The following AZIN2 variants were observed in gnomAD, a reference collection of about 807,000 sequenced individuals.
The protein encoded by AZIN2 is ODC antizyme inhibitor-2.
Under a neutral mutation model 47.8 loss-of-function variants are expected in AZIN2, and 28 were observed. The observed-to-expected ratio is 0.59, with a 90% CI of 0.43 to 0.80. AZIN2 has a LOEUF of 0.80. Ranked by LOEUF, AZIN2 falls within the 30% of genes least tolerant of loss-of-function variation. AZIN2 has a pLI of 0.00. For synonymous variants in AZIN2, 221 were observed against 239.4 expected (o/e 0.92, Z 0.71); for missense variants, 535 against 582.5 (o/e 0.92, Z 0.84).
the AZIN2 span, chr1:33,147,627 TGGCTGTGGG>T: frequency 6.2e-7 from 1 of 1,613,984 alleles, no homozygotes; most frequent in Non-Finnish European, 8.5e-7. The surrounding 1 kb of genome is among the most constrained non-coding windows in gnomAD (Gnocchi z 8.1). Context: ...AGTCCTGCAG[TGGCTGTGGG>T]TGCAAGTTGC....
At position 33,092,240 on chromosome 1, in the gene AZIN2, C is replaced by T; in HGVS notation, c.452+18C>T. ...AGTGCCAAGTAAGCTGAGAACCACT[C>T]ATGGGGAGGCTGGGCTGTGGGGAGC... On this transcript the variant is annotated intron_variant, in intron 6 of 11. Coordinates refer to ENST00000294517, the MANE Select transcript of AZIN2 (RefSeq NM_052998.4). 6.2e-7 allele frequency: 1 copy of T among 1,607,120 alleles called. No homozygotes were observed. The highest frequency in any genetic ancestry group is 8.5e-7 in the Non-Finnish European group (1 of 1,176,118).
rs763179808 is a variant in AZIN2, at chr1:33,096,693, TCTC to T, written c.754-8_754-6del. ...TTCAAACACATAATTGTCTCCCCAT[TCTC>T]CTCCTACCAGATTGCTTCCGTGATC... On this transcript the variant is annotated splice_polypyrimidine_tract_variant and intron_variant, in intron 8 of 11. Coordinates refer to ENST00000294517, the MANE Select transcript of AZIN2 (RefSeq NM_052998.4). 6.2e-7 allele frequency: 1 copy of T among 1,613,808 alleles called. No individual in the cohort carries two copies. Among genetic ancestry groups the T allele is most frequent in the Non-Finnish European group, 8.5e-7 (1 of 1,179,758 alleles).
downstream of AZIN2, among the ~76,000 whole-genome samples, chr1:33,124,504 G>A (rs543801568): frequency 6.6e-6 from 1 of 152,292 alleles, no homozygotes; most frequent in South Asian, 2.1e-4. The surrounding 1 kb of genome is among the most constrained non-coding windows in gnomAD (Gnocchi z 4.6). Context: ...CAGTCTGAAA[G>A]GCAGACCCAG....
intron 9 of AZIN2, among the ~76,000 whole-genome samples, chr1:33,097,470 G>T (rs1043233648): frequency 6.6e-6 from 1 of 152,154 alleles, no homozygotes; most frequent in Non-Finnish European, 1.5e-5. Context: ...TTCCAGATAG[G>T]TCAGGGATAG....
At chr1:33,099,233 C>A (rs1350873740) in intron 10 of AZIN2, among the ~76,000 whole-genome samples, 1 of 152,128 alleles carries the variant, frequency 6.6e-6, no homozygotes, top group Non-Finnish European at 1.5e-5. Flanking sequence ...CACTTTGTGG[C>A]TCTTCCTGCC....
downstream of AZIN2, among the ~76,000 whole-genome samples, chr1:33,124,878 C>T (rs1401795126): frequency 6.6e-6 from 1 of 152,202 alleles, no homozygotes; most frequent in Non-Finnish European, 1.5e-5. This position sits in a 1 kb window ranked among gnomAD's most constrained non-coding sequence, Gnocchi z 4.6. Flanking sequence ...GCATAGTATT[C>T]CATGGTGTAT....
At chr1:33,140,969 T>C in the AZIN2 span, among the ~76,000 whole-genome samples, 45 of 152,192 alleles carry the variant, frequency 3.0e-4, no homozygotes, top group Non-Finnish European at 5.6e-4. This position sits in a 1 kb window ranked among gnomAD's most constrained non-coding sequence, Gnocchi z 4.0. Flanking sequence ...AAAGAGCCGA[T>C]GGCTGGGAGT....
At chr1:33,165,539 G>C in the AZIN2 span, 5 of 1,610,710 alleles carry the variant, frequency 3.1e-6, no homozygotes, top group Non-Finnish European at 3.4e-6. The surrounding 1 kb of genome is among the most constrained non-coding windows in gnomAD (Gnocchi z 4.0). Flanking sequence ...CTGTCTTGAA[G>C]GGCCTGAAGT....
At chr1:33,115,619 G>A (rs550585033) in intron 10 of AZIN2, among the ~76,000 whole-genome samples, 2 of 298 alleles carry the variant, frequency 6.7e-3, no homozygotes, top group African/African-American at 0.011. Context: ...CAGGAGAATC[G>A]CTGAACCCAG....
At chr1:33,138,633 A>C in the AZIN2 span, among the ~76,000 whole-genome samples, 2 of 146,478 alleles carry the variant, frequency 1.4e-5, no homozygotes, top group African/African-American at 4.9e-5. Context: ...CAACAAAAAA[A>C]AAAAAAAAAA....
the AZIN2 span, chr1:33,147,702 C>T: frequency 1.6e-5 from 25 of 1,612,858 alleles, no homozygotes; most frequent in Middle Eastern, 1.7e-4. The surrounding 1 kb of genome is among the most constrained non-coding windows in gnomAD (Gnocchi z 8.1). Flanking sequence ...GGGCTGTGCC[C>T]GGGTCCAGGG....
At position 33,081,362 on chromosome 1, in the gene AZIN2, T is replaced by G. The variant is rs1042438238; in HGVS notation, c.-405-26T>G. The G allele has an allele frequency of 3.9e-5, 6 of 153,108 alleles. No homozygotes were observed. Among genetic ancestry groups the G allele is most frequent in the African/African-American group, 1.4e-4 (6 of 41,458 alleles). The allele number at this position is 153,108 out of a possible 1,614,324, so 9.5% of individuals were successfully genotyped here. A position where few individuals can be genotyped will look rare whatever the true frequency, so the allele number is the denominator to read the frequency against. Reference sequence around the variant, plus strand: ...CCCTCCGCCCTGGTGCTGACCTGCCTCCCTGCCCCTTCTGCCTCCTGTCAG... The same window carrying G: ...CCCTCCGCCCTGGTGCTGACCTGCCGCCCTGCCCCTTCTGCCTCCTGTCAG... On this transcript the variant is annotated intron_variant, in intron 1 of 11. Coordinates refer to ENST00000294517, the MANE Select transcript of AZIN2 (RefSeq NM_052998.4). This position sits in a 1 kb window ranked among gnomAD's most constrained non-coding sequence, Gnocchi z 4.2.
At chr1:33,128,326 G>A (rs190323945), downstream of AZIN2, among the ~76,000 whole-genome samples, 663 of 152,240 alleles carry the variant, frequency 4.4e-3, 5 homozygotes, top group African/African-American at 0.015. Context: ...TCAGTGAGCC[G>A]TGAGTGGGGC....
At chr1:33,127,232 G>T (rs1644862856), downstream of AZIN2, among the ~76,000 whole-genome samples, 1 of 152,336 alleles carries the variant, frequency 6.6e-6, no homozygotes, top group South Asian at 2.1e-4. Context: ...GCGGAACCAT[G>T]ACTGCTCAGC....
At chr1:33,150,520 C>G in the AZIN2 span, among the ~76,000 whole-genome samples, 1 of 152,186 alleles carries the variant, frequency 6.6e-6, no homozygotes, top group Non-Finnish European at 1.5e-5. Flanking sequence ...ACTTAGAGGG[C>G]TGTATGGAAG....
rs190259652 is a variant in AZIN2 at position 33,122,917 on chromosome 1, C to T, written c.*2735C>T. 3.2e-3 allele frequency among the ~76,000 whole-genome samples: 491 copies of T among 152,320 alleles called. 1 individual carries two copies. Among genetic ancestry groups the T allele is most frequent in the Non-Finnish European group, 5.3e-3 (363 of 68,032 alleles). On this transcript the variant is annotated 3_prime_UTR_variant, in exon 12 of 12. Transcript: ENST00000294517. ...TTTCCCCTCCACAGTCCATCCTCCA[C>T]TCAGCAGCCAGATGCCGTACCTCCT...
At position 33,111,592 on chromosome 1, in the gene AZIN2, C is replaced by A. The variant is rs569945522; in HGVS notation, c.1030-6310C>A. Among the ~76,000 whole-genome samples, 6 of 151,398 alleles carry A rather than the reference C, an allele frequency of 4.0e-5. No homozygotes were observed. In the South Asian group the frequency reaches 1.3e-3, roughly 32 times the overall value. On this transcript the variant is annotated intron_variant, in intron 10 of 11. Transcript: ENST00000294517. ...ATATAATTGATAAGAGATTAGTAGA[C>A]AAAATATATGAATAATTTTTTTTTT...
chr1:33,161,986 T>C, the AZIN2 span, among the ~76,000 whole-genome samples: 1 of 152,186 alleles, frequency 6.6e-6, no homozygotes, highest in South Asian at 2.1e-4. The surrounding 1 kb of genome is among the most constrained non-coding windows in gnomAD (Gnocchi z 4.3). Flanking sequence ...TCCATATAGA[T>C]GGCCTTGCCT....
At chr1:33,134,995 C>G in the AZIN2 span, among the ~76,000 whole-genome samples, 1 of 152,176 alleles carries the variant, frequency 6.6e-6, no homozygotes, top group Admixed American at 6.5e-5. Flanking sequence ...CTGATTAAAA[C>G]CATTCATGGA....
Sources: gnomAD v4.1 joint callset for allele counts (sites outside exome capture counted in the v4.1 genomes callset) on GRCh38, gnomAD v4.1.1 for gene constraint, Gnocchi (gnomAD v3.1) non-coding constraint, MANE v1.5 for transcripts, NCBI Gene and HGNC (gene_info 2026-07-23, HGNC 2026-07-21) for gene names.